Variants in KIAA1217 observed in about 807,000 individuals in gnomAD.
KIAA1217 encodes the protein sickle tail protein homolog.
In KIAA1217, 88 loss-of-function variants were observed where a neutral mutation model predicts 163.9. The observed-to-expected ratio is 0.54, with a 90% CI of 0.45 to 0.64. KIAA1217 has a LOEUF of 0.64. Among genes scored for constraint, KIAA1217 ranks in the 30% least tolerant of loss-of-function variants. KIAA1217 has a pLI of 0.00. For synonymous variants in KIAA1217, 903 were observed against 923.1 expected (o/e 0.98, Z 0.39); for missense variants, 2,372 against 2,475.0 (o/e 0.96, Z 0.88).
At chr10:24,404,149 G>A (rs2056901253) in intron 3 of KIAA1217, among the ~76,000 whole-genome samples, 1 of 152,030 alleles carries the variant, frequency 6.6e-6, no homozygotes, top group Non-Finnish European at 1.5e-5. Flanking sequence ...TTTAGACACA[G>A]GGTTTCACCA....
chr10:24,275,475 G>A (rs769971847), intron 2 of KIAA1217, among the ~76,000 whole-genome samples: 1 of 152,212 alleles, frequency 6.6e-6, no homozygotes, highest in African/African-American at 2.4e-5. Flanking sequence ...GAACGTGCTT[G>A]TTGGGAAACT....
chr10:23,725,923 T>C (rs1330801380), intron 1 of KIAA1217, among the ~76,000 whole-genome samples: 1 of 152,216 alleles, frequency 6.6e-6, no homozygotes, highest in Admixed American at 6.5e-5. Context: ...TTTAAAAAGG[T>C]TGTCTATACC....
chr10:23,775,610 T>C (rs1834976527), intron 1 of KIAA1217, among the ~76,000 whole-genome samples: 1 of 152,138 alleles, frequency 6.6e-6, no homozygotes, highest in Non-Finnish European at 1.5e-5. Context: ...TCATACAAAA[T>C]TAATGGCCAA....
At chr10:23,696,011 G>C (rs911010240) in intron 1 of KIAA1217, among the ~76,000 whole-genome samples, 1 of 152,168 alleles carries the variant, frequency 6.6e-6, no homozygotes, top group Non-Finnish European at 1.5e-5. Flanking sequence ...CGGGTCCTCC[G>C]AGACCCCGGA....
At chr10:23,727,713 A>T (rs1855823) in intron 1 of KIAA1217, among the ~76,000 whole-genome samples, 1 of 152,192 alleles carries the variant, frequency 6.6e-6, no homozygotes, top group Non-Finnish European at 1.5e-5. Context: ...TTGTTACATA[A>T]GTATACATGT....
At chr10:23,941,620 A>T (rs576839230) in intron 1 of KIAA1217, among the ~76,000 whole-genome samples, 10 of 152,228 alleles carry the variant, frequency 6.6e-5, no homozygotes, top group Non-Finnish European at 1.0e-4. Flanking sequence ...CACAGAATGT[A>T]GAGTGCACAT....
In KIAA1217 at chr10:23,920,368, G is replaced by A. The variant is rs1025600989; in HGVS notation, c.-320-86857G>A. Among the ~76,000 whole-genome samples the A allele has an allele frequency of 7.2e-5, 11 of 152,132 alleles. No homozygotes were observed. In the South Asian group the frequency reaches 1.7e-3, roughly 23 times the overall value. ...CTCTGTCCTTTCTTTTGGTAAGGTC[G>A]CTGACTGGCTAGATTGATTAAAGTG... is the stretch of plus-strand genomic sequence containing the variant. On this transcript the variant is annotated intron_variant, in intron 1 of 18. Coordinates refer to the KIAA1217 transcript ENST00000376462.
At chr10:23,888,338 T>C (rs1841272524) in intron 1 of KIAA1217, among the ~76,000 whole-genome samples, 1 of 151,946 alleles carries the variant, frequency 6.6e-6, no homozygotes, top group Non-Finnish European at 1.5e-5. Context: ...TTGGTTCAAA[T>C]TGCTTTTTCC....
chr10:24,423,036 T>A (rs930325741), intron 3 of KIAA1217, among the ~76,000 whole-genome samples: 1 of 137,446 alleles, frequency 7.3e-6, no homozygotes, highest in African/African-American at 3.2e-5. Flanking sequence ...TCCAGAGTAG[T>A]TGGGACTACA....
chr10:24,052,623 G>T (rs1221273948), intron 2 of KIAA1217, among the ~76,000 whole-genome samples: 1 of 152,012 alleles, frequency 6.6e-6, no homozygotes, highest in Admixed American at 6.6e-5. Context: ...AGTCTAATGA[G>T]CCACTTTACA....
At chr10:24,069,857 C>T (rs1296441082) in intron 2 of KIAA1217, among the ~76,000 whole-genome samples, 5 of 151,904 alleles carry the variant, frequency 3.3e-5, no homozygotes, top group Non-Finnish European at 5.9e-5. Flanking sequence ...TCTCTTTTTG[C>T]AAGACAGAGT....
intron 3 of KIAA1217, among the ~76,000 whole-genome samples, chr10:24,382,293 A>G (rs2053420603): frequency 6.6e-6 from 1 of 152,090 alleles, no homozygotes. Flanking sequence ...GAACTCTGCC[A>G]TGTAAAACTG....
Position 24,383,991 on chromosome 10 carries a change from C to T in KIAA1217, c.553+2924C>T, listed in dbSNP as rs144859114. 2.2e-3 allele frequency among the ~76,000 whole-genome samples: 332 copies of T among 152,336 alleles called. 2 individuals carry two copies. The highest frequency in any genetic ancestry group is 8.5e-3 in the South Asian group (41 of 4,828). The stretch of plus-strand genomic sequence containing the variant: ...TGGCCTTATTTAACACACAGACGCA[C>T]GGGTTCCTGGGATAAACAGTGCTCC... On this transcript the variant is annotated intron_variant, in intron 3 of 20. Coordinates refer to ENST00000376454, the MANE Select transcript of KIAA1217 (RefSeq NM_019590.5).
At chr10:24,494,758 TG>T (rs1397211297) in intron 7 of KIAA1217, among the ~76,000 whole-genome samples, 154 bp downstream of exon 7, 1 of 152,304 alleles carries the variant, frequency 6.6e-6, no homozygotes, top group East Asian at 1.9e-4. Flanking sequence ...TTTTTTGTTT[TG>T]GGGGGTTTGG....
chr10:24,341,250 G>T (rs188419030), intron 2 of KIAA1217, among the ~76,000 whole-genome samples: 56 of 152,246 alleles, frequency 3.7e-4, no homozygotes, highest in African/African-American at 1.3e-3. Context: ...TTCCACAGTG[G>T]TATATGATAG....
chr10:24,267,072 GT>G (rs1389342705), intron 2 of KIAA1217, among the ~76,000 whole-genome samples: 1 of 152,218 alleles, frequency 6.6e-6, no homozygotes, highest in Non-Finnish European at 1.5e-5. Context: ...TGCCAAGATA[GT>G]ATTGTGATCA....
At chr10:24,286,120 A>G (rs2078517996) in intron 2 of KIAA1217, among the ~76,000 whole-genome samples, 1 of 152,116 alleles carries the variant, frequency 6.6e-6, no homozygotes, top group African/African-American at 2.4e-5. Flanking sequence ...GGCAAAGTCT[A>G]GGTTTTTCTA....
chr10:24,364,052 C>T (rs1591333618), intron 2 of KIAA1217, among the ~76,000 whole-genome samples: 2 of 151,150 alleles, frequency 1.3e-5, no homozygotes, highest in East Asian at 1.9e-4. Flanking sequence ...AGTCTTGGCT[C>T]GCCGCAACCT....
chr10:23,817,984 TA>T (rs1837397888), intron 1 of KIAA1217, among the ~76,000 whole-genome samples: 1 of 116,512 alleles, frequency 8.6e-6, no homozygotes, highest in South Asian at 2.8e-4. Flanking sequence ...TATATATATA[TA>T]TATATATATA....
Sources: allele counts gnomAD v4.1 joint callset (sites outside exome capture counted in the v4.1 genomes callset), GRCh38; gene constraint gnomAD v4.1.1; transcripts MANE v1.5; gene names NCBI Gene and HGNC (gene_info 2026-07-23, HGNC 2026-07-21).